Variants in SETBP1 observed in about 807,000 individuals in gnomAD.
The protein encoded by SETBP1 is SET-binding protein.
SETBP1 carries 9 observed loss-of-function variants against 101.0 expected under a neutral mutation model. That is an observed-to-expected ratio of 0.09 (90% CI 0.05 to 0.16). SETBP1 has a LOEUF of 0.16. SETBP1 is among the 10% of genes least tolerant of loss of function. SETBP1 has a pLI of 1.00. For synonymous variants in SETBP1, 818 were observed against 788.5 expected, an observed-to-expected ratio of 1.04 and a Z score of -0.63; for missense variants, 1,858 against 2,033.8, an observed-to-expected ratio of 0.91 and a Z score of 1.66.
intron 5 of SETBP1, among the ~76,000 whole-genome samples, chr18:45,044,076 C>T (rs1009901869): frequency 4.6e-5 from 7 of 151,968 alleles, no homozygotes; most frequent in African/African-American, 9.7e-5. Context: ...GACCTGGAGC[C>T]CCTAACCAAA....
At chr18:45,028,368 C>G (rs868276471) in intron 4 of SETBP1, among the ~76,000 whole-genome samples, 1 of 151,998 alleles carries the variant, frequency 6.6e-6, no homozygotes, top group Non-Finnish European at 1.5e-5. Context: ...GCATAGTATT[C>G]CATGGTGTAT....
intron 2 of SETBP1, among the ~76,000 whole-genome samples, chr18:44,785,030 G>A (rs1469422538): frequency 6.6e-6 from 1 of 152,090 alleles, no homozygotes; most frequent in East Asian, 1.9e-4. Flanking sequence ...TATAATCGAT[G>A]TACTTTGTAT....
intron 2 of SETBP1, among the ~76,000 whole-genome samples, chr18:44,763,210 T>C (rs2070696445): frequency 1.3e-5 from 2 of 152,162 alleles, no homozygotes; most frequent in Non-Finnish European, 2.9e-5. Context: ...AATGAGTAAC[T>C]ACAGAGGCTG....
At chr18:44,771,823 G>A (rs2070881325) in intron 2 of SETBP1, among the ~76,000 whole-genome samples, 1 of 152,204 alleles carries the variant, frequency 6.6e-6, no homozygotes, top group Admixed American at 6.5e-5. Context: ...AGGCTGGCTG[G>A]GAAGGGAATG....
At chr18:44,775,694 T>A (rs2070985513) in intron 2 of SETBP1, among the ~76,000 whole-genome samples, 1 of 151,330 alleles carries the variant, frequency 6.6e-6, no homozygotes, top group Admixed American at 6.6e-5. Flanking sequence ...AATTTCCAAG[T>A]GTAGAGAGCA....
chr18:44,963,899 CAAAAAA>C (rs59077847), intron 4 of SETBP1, among the ~76,000 whole-genome samples: 1 of 41,616 alleles, frequency 2.4e-5, no homozygotes, highest in African/African-American at 1.1e-4. Flanking sequence ...GACCCCATCT[CAAAAAA>C]AAAAAAAAAA....
intron 2 of SETBP1, among the ~76,000 whole-genome samples, chr18:44,829,543 C>A (rs1200226366): frequency 1.3e-5 from 2 of 152,094 alleles, no homozygotes; most frequent in African/African-American, 4.8e-5. Context: ...GAAGGCCGAC[C>A]ATGATCAGTT....
chr18:44,909,091 G>A (rs185558472), intron 3 of SETBP1, among the ~76,000 whole-genome samples: 35 of 152,314 alleles, frequency 2.3e-4, no homozygotes, highest in Admixed American at 2.2e-3. Context: ...TTCTAGATGT[G>A]TAAAGGAAAA....
At chr18:44,733,323 A>G (rs1261161546) in intron 2 of SETBP1, 1 of 152,254 alleles carries the variant, frequency 6.6e-6, no homozygotes, top group Non-Finnish European at 1.5e-5. Flanking sequence ...TGACGGCTCA[A>G]ATAACAAGCC....
At chr18:44,955,345 A>G (rs898039925) in intron 4 of SETBP1, among the ~76,000 whole-genome samples, 2 of 152,148 alleles carry the variant, frequency 1.3e-5, no homozygotes, top group South Asian at 4.1e-4. Flanking sequence ...TGTCATGACA[A>G]TGTCATGAAA....
intron 3 of SETBP1, among the ~76,000 whole-genome samples, chr18:44,944,535 T>C: frequency 6.6e-6 from 1 of 152,188 alleles, no homozygotes; most frequent in Non-Finnish European, 1.5e-5. Context: ...CCAGTATCTG[T>C]ATTTGTAACT....
intron 5 of SETBP1, among the ~76,000 whole-genome samples, chr18:45,041,519 G>C (rs1246666821): frequency 6.6e-6 from 1 of 151,902 alleles, no homozygotes; most frequent in East Asian, 1.9e-4. Flanking sequence ...CATTCCTACA[G>C]AATGGTTTTG....
intron 2 of SETBP1, among the ~76,000 whole-genome samples, chr18:44,815,666 G>C (rs574453572): frequency 6.6e-6 from 1 of 152,354 alleles, no homozygotes; most frequent in South Asian, 2.1e-4. Flanking sequence ...TGTATTAACA[G>C]TGAGGCTGCA....
chr18:44,901,891 A>C (rs571132561), intron 3 of SETBP1, among the ~76,000 whole-genome samples: 2 of 152,290 alleles, frequency 1.3e-5, no homozygotes, highest in South Asian at 2.1e-4. Context: ...CTTTCCCACC[A>C]GTATATATTT....
At chr18:44,830,157 G>A (rs1336718712) in intron 2 of SETBP1, among the ~76,000 whole-genome samples, 1 of 152,154 alleles carries the variant, frequency 6.6e-6, no homozygotes, top group African/African-American at 2.4e-5. Flanking sequence ...CTTTAATAGT[G>A]TACTAATCTT....
chr18:44,960,146 C>T (rs2071580554), intron 4 of SETBP1, among the ~76,000 whole-genome samples: 1 of 152,078 alleles, frequency 6.6e-6, no homozygotes, highest in Non-Finnish European at 1.5e-5. Context: ...ATCCTCCCGC[C>T]TCGGCCACCT....
At chr18:44,686,325 T>A (rs1041059164) in intron 1 of SETBP1, among the ~76,000 whole-genome samples, 2 of 152,262 alleles carry the variant, frequency 1.3e-5, no homozygotes, top group African/African-American at 4.8e-5. Flanking sequence ...CAGGCTGTGT[T>A]GTCAGACTGG....
At chr18:44,755,480 C>A in intron 2 of SETBP1, among the ~76,000 whole-genome samples, 1 of 145,922 alleles carries the variant, frequency 6.9e-6, no homozygotes, top group East Asian at 2.0e-4. Context: ...AGTGGGACAC[C>A]TTTTTTTTTT....
intron 2 of SETBP1, among the ~76,000 whole-genome samples, chr18:44,841,230 G>A (rs149342145): frequency 1.4e-3 from 212 of 152,222 alleles, no homozygotes; most frequent in African/African-American, 4.7e-3. Flanking sequence ...CCTTTCCAGG[G>A]TGGCTCATTC....
Sources: allele counts gnomAD v4.1 joint callset (sites outside exome capture counted in the v4.1 genomes callset), GRCh38; gene constraint gnomAD v4.1.1; transcripts MANE v1.5; gene names NCBI Gene and HGNC (gene_info 2026-07-23, HGNC 2026-07-21).